The following PIEZO2 variants were observed in gnomAD, a reference collection of about 807,000 sequenced individuals.
The protein encoded by PIEZO2 is piezo-type mechanosensitive ion channel component 2.
In PIEZO2, 172 loss-of-function variants were observed where a neutral mutation model predicts 337.3. That is an observed-to-expected ratio of 0.51 (90% CI 0.45 to 0.58). The LOEUF (loss-of-function observed/expected upper bound fraction) is 0.58, where lower values mean the gene tolerates loss of function less well. Among genes scored for constraint, PIEZO2 ranks in the 20% least tolerant of loss-of-function variants. The pLI, the probability that PIEZO2 is intolerant of heterozygous loss-of-function variation, is 0.00. For synonymous variants in PIEZO2, 1,251 were observed against 1,228.5 expected, an observed-to-expected ratio of 1.02 and a Z score of -0.38; for missense variants, 3,028 against 3,391.3, an observed-to-expected ratio of 0.89 and a Z score of 2.66.
Position 11,070,164 on chromosome 18 carries a change from G to A in PIEZO2, c.65-3942C>T, listed in dbSNP as rs183811124. On this transcript the variant is annotated intron_variant, in intron 1 of 55. Coordinates refer to ENST00000674853, the MANE Select transcript of PIEZO2 (RefSeq NM_001378183.1). This position sits in a 1 kb window ranked among gnomAD's most constrained non-coding sequence, Gnocchi z 4.3. ...ACCTAGACATATGGTGTAGCCTACT[G>A]CTCCTAGGCCAAAAACCTATGCAGC... Among the ~76,000 whole-genome samples, 65 of 152,292 alleles carry A rather than the reference G, an allele frequency of 4.3e-4. 1 individual carries two copies. Among genetic ancestry groups the A allele is most frequent in the African/African-American group, 1.5e-3 (62 of 41,568 alleles).
chr18:10,803,828 A>G, intron 9 of PIEZO2, 47 bp downstream of exon 9: 1 of 1,533,762 alleles, frequency 6.5e-7, no homozygotes, highest in South Asian at 1.2e-5. Context: ...AGTAAAATAC[A>G]AAAACAGAAA....
At chr18:10,832,114 A>T (rs2040861239) in intron 7 of PIEZO2, among the ~76,000 whole-genome samples, 1 of 152,200 alleles carries the variant, frequency 6.6e-6, no homozygotes, top group Admixed American at 6.5e-5. Context: ...CCTGGCCAAC[A>T]TGGTGAAACA....
chr18:10,674,523 T>C (rs1253965326), intron 54 of PIEZO2, among the ~76,000 whole-genome samples: 1 of 152,254 alleles, frequency 6.6e-6, no homozygotes, highest in Non-Finnish European at 1.5e-5. Flanking sequence ...TTTCCAACTC[T>C]TCACTTATGT....
intron 3 of PIEZO2, among the ~76,000 whole-genome samples, chr18:10,932,519 GAGCAAACCACCC>G (rs2032154112): frequency 6.6e-6 from 1 of 152,196 alleles, no homozygotes; most frequent in Non-Finnish European, 1.5e-5. Flanking sequence ...TTCCGGGGAT[GAGCAAACCACCC>G]ATGGTCCTAG....
chr18:10,926,542 C>A (rs1166883214), intron 3 of PIEZO2, among the ~76,000 whole-genome samples: 1 of 152,168 alleles, frequency 6.6e-6, no homozygotes, highest in East Asian at 1.9e-4. Context: ...TTCACAGTGA[C>A]TCCACCTAGG....
intron 4 of PIEZO2, among the ~76,000 whole-genome samples, chr18:10,901,220 C>G (rs1235736190): frequency 1.3e-5 from 2 of 152,100 alleles, no homozygotes; most frequent in Admixed American, 1.3e-4. Flanking sequence ...AAAAGGGCTC[C>G]AGGTGTTTGC....
chr18:11,044,774 G>A (rs1012213464), intron 2 of PIEZO2, among the ~76,000 whole-genome samples: 1 of 152,166 alleles, frequency 6.6e-6, no homozygotes, highest in South Asian at 2.1e-4. Context: ...GAAATACAAG[G>A]TTAGGTTCCT....
At chr18:10,976,358 C>G (rs1598770636) in intron 3 of PIEZO2, among the ~76,000 whole-genome samples, 2 of 152,290 alleles carry the variant, frequency 1.3e-5, no homozygotes, top group East Asian at 3.9e-4. Flanking sequence ...ACTAGTTTTT[C>G]AGAAGAAATT....
At chr18:10,778,648 A>G (rs1421268102) in intron 18 of PIEZO2, among the ~76,000 whole-genome samples, 1 of 152,268 alleles carries the variant, frequency 6.6e-6, no homozygotes, top group East Asian at 1.9e-4. Context: ...TGCTCTTAAC[A>G]TGTTTATATT....
intron 1 of PIEZO2, among the ~76,000 whole-genome samples, chr18:11,085,856 AC>A (rs1461389154): frequency 6.8e-5 from 10 of 147,032 alleles, no homozygotes; most frequent in Admixed American, 6.8e-4. Flanking sequence ...AAAAAAAAAA[AC>A]GGAGAGAGTG....
intron 27 of PIEZO2, among the ~76,000 whole-genome samples, chr18:10,754,313 T>G (rs1312387065): frequency 3.9e-5 from 6 of 152,222 alleles, no homozygotes; most frequent in Admixed American, 3.9e-4. Flanking sequence ...CTGGCCACTT[T>G]CCAGAGATCC....
rs923530184 is a variant in PIEZO2, at chr18:10,859,328, T to C, written c.493-2117A>G. 1.3e-5 allele frequency among the ~76,000 whole-genome samples: 2 copies of C among 152,304 alleles called. No homozygotes were observed. Among genetic ancestry groups the C allele is most frequent in the South Asian group, 4.1e-4 (2 of 4,822 alleles). ...CTAGAGAACAATTCCCATCTCATTC[T>C]CAGAGGATGACCTTGCTTTCTACTG... On this transcript the variant is annotated intron_variant, in intron 5 of 55. Transcript: ENST00000674853. This position sits in a 1 kb window ranked among gnomAD's most constrained non-coding sequence, Gnocchi z 4.9.
intron 2 of PIEZO2, among the ~76,000 whole-genome samples, chr18:11,063,759 G>T (rs933144213): frequency 7.9e-5 from 12 of 152,174 alleles, no homozygotes; most frequent in African/African-American, 2.9e-4. Context: ...AGGACTTGCT[G>T]ACAGTCCCTT....
chr18:10,685,178 C>G (rs2143556174), intron 49 of PIEZO2, among the ~76,000 whole-genome samples: 1 of 152,308 alleles, frequency 6.6e-6, no homozygotes. Flanking sequence ...CTGTCACATT[C>G]AATGTGGAAT....
intron 4 of PIEZO2, among the ~76,000 whole-genome samples, chr18:10,879,882 G>A (rs1235779087): frequency 2.0e-5 from 3 of 152,148 alleles, no homozygotes. Context: ...GTGCATGTGT[G>A]ATCCAGGTCT....
At chr18:10,709,929 G>A (rs1031379916) in intron 39 of PIEZO2, among the ~76,000 whole-genome samples, 1 of 152,232 alleles carries the variant, frequency 6.6e-6, no homozygotes, top group Non-Finnish European at 1.5e-5. Flanking sequence ...TGGACAAAAT[G>A]AGGAGACAAT....
rs181360813 is a variant in PIEZO2 at position 11,142,466 on chromosome 18, A to G, written c.64+6059T>C. ...GCTCTGAGGAATATGACAAACCTCGACTGACAGCCAAACATTTAAAAAATG... is the reference window on the plus strand; with the variant it reads ...GCTCTGAGGAATATGACAAACCTCGGCTGACAGCCAAACATTTAAAAAATG... On this transcript the variant is annotated intron_variant, in intron 1 of 55. Coordinates refer to ENST00000674853, the MANE Select transcript of PIEZO2 (RefSeq NM_001378183.1). Among the ~76,000 whole-genome samples the G allele has an allele frequency of 5.9e-5, 9 of 152,308 alleles. 1 individual carries two copies. The highest frequency in any genetic ancestry group is 5.2e-4 in the Admixed American group (8 of 15,300).
intron 10 of PIEZO2, among the ~76,000 whole-genome samples, chr18:10,800,764 T>C (rs1383938154): frequency 6.6e-6 from 1 of 152,012 alleles, no homozygotes; most frequent in Non-Finnish European, 1.5e-5. Context: ...CAAACTCTTG[T>C]AAATGGCTGA....
At chr18:10,921,786 A>T (rs2031425933) in intron 3 of PIEZO2, among the ~76,000 whole-genome samples, 1 of 152,160 alleles carries the variant, frequency 6.6e-6, no homozygotes, top group Non-Finnish European at 1.5e-5. Flanking sequence ...AGCAAGGAAC[A>T]TCCCTGAGAA....
Sources: allele counts gnomAD v4.1 joint callset (sites outside exome capture counted in the v4.1 genomes callset), GRCh38; gene constraint gnomAD v4.1.1; non-coding constraint Gnocchi (gnomAD v3.1); transcripts MANE v1.5; gene names NCBI Gene and HGNC (gene_info 2026-07-23, HGNC 2026-07-21).